The following CNTNAP4 variants were observed in gnomAD, a reference collection of about 807,000 sequenced individuals.
CNTNAP4 encodes contactin associated protein family member 4, also known as contactin-associated protein-like 4.
Under a neutral mutation model 148.4 loss-of-function variants are expected in CNTNAP4, and 98 were observed. The ratio of observed to expected loss-of-function variants is 0.66; its 90% confidence interval spans 0.56 to 0.78. The LOEUF is 0.78. Among genes scored for constraint, CNTNAP4 ranks in the 30% least tolerant of loss-of-function variants. The pLI is 0.00. For synonymous variants in CNTNAP4, 730 were observed against 565.1 expected (o/e 1.29, Z -4.14); for missense variants, 1,935 against 1,565.6 (o/e 1.24, Z -3.98).
intron 3 of CNTNAP4, among the ~76,000 whole-genome samples, chr16:76,382,060 C>CAAAAAAAAAAAAAAAAAA (rs67028367): frequency 1.9e-5 from 1 of 53,316 alleles, no homozygotes; most frequent in East Asian, 5.7e-4. Flanking sequence ...GACTCCGTCT[C>CAAAAAAAAAAAAAAAAAA]AAAAAAAAAA....
chr16:76,502,463 G>C (rs1400210266), intron 15 of CNTNAP4, among the ~76,000 whole-genome samples: 1 of 151,222 alleles, frequency 6.6e-6, no homozygotes, highest in Admixed American at 6.6e-5. Context: ...CTTATAAGCA[G>C]AGAAAAGCTG....
intron 8 of CNTNAP4, among the ~76,000 whole-genome samples, chr16:76,453,370 T>G (rs2080592761): frequency 6.6e-6 from 1 of 152,208 alleles, no homozygotes; most frequent in African/African-American, 2.4e-5. Flanking sequence ...TTTTAATGAT[T>G]AGAAGTAATG....
rs965617861 is a variant in CNTNAP4, at chr16:76,421,152, A to G, written c.391-6300A>G. Among the ~76,000 whole-genome samples, 4 of 152,212 alleles carry G rather than the reference A, an allele frequency of 2.6e-5. No homozygotes were observed. The East Asian group carries it at 7.7e-4, about 29-fold the overall frequency. On this transcript the variant is annotated intron_variant, in intron 3 of 23. Transcript: ENST00000611870. The stretch of plus-strand genomic sequence containing the variant: ...TTATGCAAAAGGTACTAAACAGTAT[A>G]TTTTATAACTTGTATCTCCATAGAT...
Position 76,447,229 on chromosome 16 carries a change from G to C in CNTNAP4, c.539-783G>C, listed in dbSNP as rs2080281126. 2.6e-5 allele frequency among the ~76,000 whole-genome samples: 4 copies of C among 151,930 alleles called. No homozygotes were observed. In the South Asian group the frequency reaches 8.3e-4, roughly 32 times the overall value. On this transcript the variant is annotated intron_variant, in intron 4 of 23. Transcript: ENST00000611870. ...GGAGGTTGAGGTGGGAGGGTCGCTT[G>C]AGCCTCAGAGGTCAAGGCTGCAGTG... is the stretch of plus-strand genomic sequence containing the variant.
intron 10 of CNTNAP4, among the ~76,000 whole-genome samples, chr16:76,475,422 A>G (rs58204533): frequency 0.36 from 55,159 of 151,980 alleles, 11,433 homozygotes; most frequent in Non-Finnish European, 0.47. Flanking sequence ...GGGAGTCCCT[A>G]TGAGTTCTGT....
chr16:76,281,097 G>A (rs1018161450), intron 1 of CNTNAP4, among the ~76,000 whole-genome samples: 27 of 152,056 alleles, frequency 1.8e-4, no homozygotes, highest in African/African-American at 6.5e-4. Context: ...CCTAAAAGAA[G>A]CACTGAAGGA....
chr16:76,345,989 C>T (rs568396972), intron 2 of CNTNAP4, among the ~76,000 whole-genome samples: 1 of 152,128 alleles, frequency 6.6e-6, no homozygotes, highest in African/African-American at 2.4e-5. Flanking sequence ...GGAACAAGCC[C>T]TTACCAGGAA....
chr16:76,281,121 A>G (rs1455933912), intron 1 of CNTNAP4, among the ~76,000 whole-genome samples: 1 of 152,122 alleles, frequency 6.6e-6, no homozygotes, highest in African/African-American at 2.4e-5. Context: ...ATGAAGGCAA[A>G]TTGCCTAAGT....
chr16:76,389,406 C>T (rs904761262), intron 3 of CNTNAP4, among the ~76,000 whole-genome samples: 2 of 152,150 alleles, frequency 1.3e-5, no homozygotes, highest in Non-Finnish European at 2.9e-5. Context: ...GCTCTTCTTC[C>T]ACTCAGCGCT....
intron 8 of CNTNAP4, among the ~76,000 whole-genome samples, chr16:76,453,001 GTTTCC>G (rs1313130617): frequency 1.3e-5 from 2 of 152,158 alleles, no homozygotes; most frequent in Non-Finnish European, 2.9e-5. Flanking sequence ...GGGAACTGAA[GTTTCC>G]TTTCACGACC....
intron 12 of CNTNAP4, among the ~76,000 whole-genome samples, chr16:76,482,470 A>C (rs1346299629): frequency 7.6e-6 from 1 of 131,498 alleles, no homozygotes; most frequent in African/African-American, 2.9e-5. Context: ...CTGTTTTTCC[A>C]TGTTCAAACA....
At chr16:76,487,908 C>T (rs1316768843) in intron 12 of CNTNAP4, among the ~76,000 whole-genome samples, 2 of 152,128 alleles carry the variant, frequency 1.3e-5, no homozygotes, top group Non-Finnish European at 2.9e-5. Flanking sequence ...TGCTAAACTA[C>T]AGGGAAGTCT....
rs549428789 is a variant in CNTNAP4, at chr16:76,523,148, G to A, written c.2755+891G>A. ...TCTTATTGTTTTATTATGATACCAG[G>A]AATGTTTATCTCTGTTCTCAGAATT... On this transcript the variant is annotated intron_variant, in intron 17 of 23. Transcript: ENST00000611870. 2.0e-5 allele frequency among the ~76,000 whole-genome samples: 3 copies of A among 152,068 alleles called. 1 individual carries two copies. Among genetic ancestry groups the A allele is most frequent in the African/African-American group, 7.2e-5 (3 of 41,492 alleles).
At chr16:76,428,601 G>A (rs1274921185) in intron 4 of CNTNAP4, among the ~76,000 whole-genome samples, 1 of 152,076 alleles carries the variant, frequency 6.6e-6, no homozygotes, top group Admixed American at 6.6e-5. Context: ...CCGACAGAGA[G>A]ATCACATTGC....
intron 1 of CNTNAP4, among the ~76,000 whole-genome samples, chr16:76,283,388 A>G (rs1597072046): frequency 6.6e-6 from 1 of 151,980 alleles, no homozygotes; most frequent in African/African-American, 2.4e-5. Context: ...TCTTTACAAT[A>G]GCAAAGACAT....
At chr16:76,479,923 A>T (rs762557028) in intron 12 of CNTNAP4, among the ~76,000 whole-genome samples, 12 of 152,196 alleles carry the variant, frequency 7.9e-5, no homozygotes, top group Non-Finnish European at 1.6e-4. Flanking sequence ...ATTAATAAAC[A>T]TGGAAATATG....
chr16:76,298,481 C>CGTGTGT (rs1567616723), intron 1 of CNTNAP4, among the ~76,000 whole-genome samples: 16 of 134,928 alleles, frequency 1.2e-4, no homozygotes, highest in African/African-American at 4.5e-4. Flanking sequence ...CATGTGTGTA[C>CGTGTGT]ATGTATGTGT....
At position 76,366,007 on chromosome 16, in the gene CNTNAP4, C is replaced by G. The variant is rs138125854; in HGVS notation, c.390+10496C>G. 3.9e-3 allele frequency among the ~76,000 whole-genome samples: 591 copies of G among 152,124 alleles called. 3 individuals are homozygous for G. The highest frequency in any genetic ancestry group is 0.013 in the African/African-American group (557 of 41,508). On this transcript the variant is annotated intron_variant, in intron 3 of 23. Transcript: ENST00000611870. ...CTTCATGGAAATATATATTCTGAAG[C>G]TACTCTTGTTGATCCTGATATGCTT...
intron 3 of CNTNAP4, among the ~76,000 whole-genome samples, chr16:76,406,065 G>GA (rs1008170758): frequency 2.3e-4 from 35 of 151,288 alleles, no homozygotes; most frequent in Admixed American, 2.0e-3. Context: ...AAAATACAAA[G>GA]AAAAAAAAAT....
Sources: gnomAD v4.1 joint callset for allele counts (sites outside exome capture counted in the v4.1 genomes callset) on GRCh38, gnomAD v4.1.1 for gene constraint, MANE v1.5 for transcripts, NCBI Gene and HGNC (gene_info 2026-07-23, HGNC 2026-07-21) for gene names.